Variants in FRMD4B observed in about 807,000 individuals in gnomAD.
FRMD4B encodes the protein FERM domain containing 4B.
A neutral mutation model predicts 141.5 loss-of-function variants in FRMD4B; 74 were observed. The observed-to-expected ratio is 0.52, with a 90% CI of 0.43 to 0.63. The LOEUF is 0.63. Ranked by LOEUF, FRMD4B falls within the 30% of genes least tolerant of loss-of-function variation. The pLI is 0.00. For synonymous variants in FRMD4B, 506 were observed against 467.9 expected (o/e 1.08, Z -1.05); for missense variants, 1,366 against 1,253.4 (o/e 1.09, Z -1.36).
chr3:69,206,218 C>A (rs2093023188), intron 11 of FRMD4B, among the ~76,000 whole-genome samples: 1 of 152,054 alleles, frequency 6.6e-6, no homozygotes, highest in Non-Finnish European at 1.5e-5. Context: ...GGCGTGGTGA[C>A]ATGCACCTGT....
chr3:69,490,315 G>T (rs1706281687), intron 1 of FRMD4B, among the ~76,000 whole-genome samples: 1 of 152,142 alleles, frequency 6.6e-6, no homozygotes, highest in South Asian at 2.1e-4. Context: ...GCCAGAAAGG[G>T]TCTCTTAATC....
chr3:69,416,664 A>G (rs1468463300), intron 2 of FRMD4B, among the ~76,000 whole-genome samples: 1 of 152,062 alleles, frequency 6.6e-6, no homozygotes, highest in Non-Finnish European at 1.5e-5. Flanking sequence ...TAAGCCCTGC[A>G]TGTATTAGGT....
chr3:69,451,828 CACACAGCTGTT>C (rs901885791), intron 1 of FRMD4B, among the ~76,000 whole-genome samples: 1 of 152,170 alleles, frequency 6.6e-6, no homozygotes, highest in Admixed American at 6.5e-5. Context: ...CAACAGCCAG[CACACAGCTGTT>C]ATGAGGATGC....
chr3:69,385,696 G>T, intron 1 of FRMD4B, 132 bp downstream of exon 1: 1 of 736,864 alleles, frequency 1.4e-6, no homozygotes, highest in Non-Finnish European at 2.0e-6. Context: ...CTGAGCGTTT[G>T]ACCCAAGGGC....
chr3:69,187,072 C>T (rs1365959980), intron 19 of FRMD4B, among the ~76,000 whole-genome samples: 1 of 152,076 alleles, frequency 6.6e-6, no homozygotes, highest in Admixed American at 6.6e-5. Context: ...GGAAATCAGT[C>T]CTGCTACTTG....
At chr3:69,341,712 A>T (rs1292091564) in intron 1 of FRMD4B, among the ~76,000 whole-genome samples, 1 of 152,214 alleles carries the variant, frequency 6.6e-6, no homozygotes, top group African/African-American at 2.4e-5. Flanking sequence ...GAGGTGGTTA[A>T]ACCTTGAAGC....
intron 1 of FRMD4B, among the ~76,000 whole-genome samples, chr3:69,472,822 A>G (rs1291028895): frequency 2.0e-5 from 3 of 151,628 alleles, no homozygotes; most frequent in Non-Finnish European, 4.4e-5. Context: ...ATGTTCAAGT[A>G]TTACCATATT....
At chr3:69,327,567 GTC>G (rs1277568964) in intron 1 of FRMD4B, among the ~76,000 whole-genome samples, 5 of 152,206 alleles carry the variant, frequency 3.3e-5, no homozygotes, top group Admixed American at 1.3e-4. Flanking sequence ...CTGTTAGAAT[GTC>G]TCTGATTTAT....
chr3:69,233,033 T>C (rs1158894492), intron 7 of FRMD4B, among the ~76,000 whole-genome samples: 1 of 150,992 alleles, frequency 6.6e-6, no homozygotes, highest in African/African-American at 2.4e-5. Context: ...ATTACAGGCA[T>C]GAACCACCAC....
At chr3:69,210,604 G>A (rs1278206966) in intron 11 of FRMD4B, among the ~76,000 whole-genome samples, 1 of 152,116 alleles carries the variant, frequency 6.6e-6, no homozygotes. Flanking sequence ...CTGAATGTTT[G>A]TGGTTTGTAA....
intron 20 of FRMD4B, among the ~76,000 whole-genome samples, chr3:69,182,011 G>GA (rs1197839831): frequency 9.4e-5 from 14 of 148,570 alleles, no homozygotes; most frequent in South Asian, 2.1e-4. Context: ...TCACAGCCTG[G>GA]AAAAAAAAAC....
intron 1 of FRMD4B, among the ~76,000 whole-genome samples, chr3:69,540,636 AATATATAT>A (rs1553652110): frequency 4.3e-5 from 3 of 69,538 alleles, no homozygotes; most frequent in Admixed American, 1.5e-4. Flanking sequence ...AAAAAAAAAA[AATATATAT>A]ATATATATAT....
At chr3:69,529,931 T>C in intron 1 of FRMD4B, among the ~76,000 whole-genome samples, 1 of 152,244 alleles carries the variant, frequency 6.6e-6, no homozygotes, top group Non-Finnish European at 1.5e-5. Flanking sequence ...CAACCACTAC[T>C]TGACACTGAC....
At chr3:69,474,809 T>G (rs1705956252) in intron 1 of FRMD4B, among the ~76,000 whole-genome samples, 1 of 152,092 alleles carries the variant, frequency 6.6e-6, no homozygotes, top group African/African-American at 2.4e-5. Flanking sequence ...TCATAGAGAC[T>G]ACTGTCTGAT....
chr3:69,245,819 G>T (rs115558097), intron 7 of FRMD4B, among the ~76,000 whole-genome samples: 2,629 of 145,684 alleles, frequency 0.018, 83 homozygotes, highest in African/African-American at 0.064. Context: ...GTCTGCGAAC[G>T]TGCCAGGCTA....
At chr3:69,260,555 C>G (rs956151861) in intron 5 of FRMD4B, among the ~76,000 whole-genome samples, 4 of 152,244 alleles carry the variant, frequency 2.6e-5, no homozygotes, top group Admixed American at 6.5e-5. Context: ...CTGAGCCCCC[C>G]CTTGGTGGGC....
intron 1 of FRMD4B, among the ~76,000 whole-genome samples, chr3:69,439,045 G>A (rs151031193): frequency 1.8e-4 from 14 of 77,320 alleles, no homozygotes; most frequent in Non-Finnish European, 2.6e-4. Flanking sequence ...TATTTAGTTC[G>A]TGTGCGTGTG....
At chr3:69,431,414 T>C (rs1705177003) in intron 2 of FRMD4B, among the ~76,000 whole-genome samples, 1 of 152,164 alleles carries the variant, frequency 6.6e-6, no homozygotes, top group Admixed American at 6.6e-5. Context: ...GTTAAAGAAC[T>C]GATATCTTCC....
chr3:69,317,107 T>G (rs919784807), intron 1 of FRMD4B, among the ~76,000 whole-genome samples: 9 of 152,182 alleles, frequency 5.9e-5, no homozygotes, highest in Non-Finnish European at 1.2e-4. Context: ...TTTTTTGCCT[T>G]TCCATTTTGC....
Sources: allele counts gnomAD v4.1 joint callset (sites outside exome capture counted in the v4.1 genomes callset), GRCh38; gene constraint gnomAD v4.1.1; transcripts MANE v1.5; gene names NCBI Gene and HGNC (gene_info 2026-07-23, HGNC 2026-07-21).